The following IFT43 variants were observed in gnomAD, a reference collection of about 807,000 sequenced individuals.
The protein encoded by IFT43 is intraflagellar transport protein 43 homolog.
A neutral mutation model predicts 32.3 loss-of-function variants in IFT43; 33 were observed. The observed-to-expected ratio is 1.02, with a 90% CI of 0.77 to 1.37. The LOEUF is 1.37. Among genes scored for constraint, IFT43 ranks in the 40% most tolerant of loss-of-function variants. IFT43 has a pLI of 0.00. For synonymous variants in IFT43, 93 were observed against 98.2 expected, an observed-to-expected ratio of 0.95 and a Z score of 0.31; for missense variants, 274 against 265.9, an observed-to-expected ratio of 1.03 and a Z score of -0.21.
intron 2 of IFT43, among the ~76,000 whole-genome samples, chr14:76,012,041 A>C (rs1280036235): frequency 6.6e-6 from 1 of 152,238 alleles, no homozygotes; most frequent in Non-Finnish European, 1.5e-5. Context: ...TGGGAGCTGC[A>C]TTGCCCCTAG....
At chr14:76,049,532 A>T (rs530289137) in intron 3 of IFT43, among the ~76,000 whole-genome samples, 21 of 151,596 alleles carry the variant, frequency 1.4e-4, no homozygotes, top group African/African-American at 2.4e-4. Context: ...GTTTTCTTTT[A>T]AAAAAAATGT....
intron 3 of IFT43, among the ~76,000 whole-genome samples, chr14:76,056,519 C>T (rs1026628131): frequency 1.3e-5 from 2 of 152,216 alleles, no homozygotes; most frequent in African/African-American, 4.8e-5. Context: ...ACAGAATCGC[C>T]ACTGGTTTTG....
At chr14:76,013,338 C>T (rs1455753103) in intron 2 of IFT43, among the ~76,000 whole-genome samples, 1 of 152,196 alleles carries the variant, frequency 6.6e-6, no homozygotes, top group Non-Finnish European at 1.5e-5. Flanking sequence ...TCAGTCCAGG[C>T]AGGGACTGGA....
rs1030456787 is a variant in IFT43 at position 76,023,673 on chromosome 14, G to A, written c.215+1279G>A. Among the ~76,000 whole-genome samples, 4 of 152,290 alleles carry A rather than the reference G, an allele frequency of 2.6e-5. No homozygotes were observed. In the East Asian group the frequency reaches 7.7e-4, roughly 29 times the overall value. ...CCATATTCTTCTCACAGGCATTCTGGCAGGTGGTGATGTTTGTGAGTTGCA... is the reference window on the plus strand; with the variant it reads ...CCATATTCTTCTCACAGGCATTCTGACAGGTGGTGATGTTTGTGAGTTGCA... On this transcript the variant is annotated intron_variant, in intron 3 of 8. Transcript: ENST00000314067.
chr14:76,058,682 T>C lies in IFT43; in HGVS notation c.248+8T>C. On this transcript the variant is annotated splice_region_variant and intron_variant, in intron 4 of 8. Transcript: ENST00000314067. ...TTCTGAAGAAATAGAAGAGTACGTT[T>C]CCAGTATTCTTATTCTTATGGTATC... 8 of 1,611,042 alleles carry C rather than the reference T, an allele frequency of 5.0e-6. No homozygotes were observed. The highest frequency in any genetic ancestry group is 6.8e-6 in the Non-Finnish European group (8 of 1,178,400).
chr14:76,003,780 G>A (rs2035933377), intron 2 of IFT43, among the ~76,000 whole-genome samples: 1 of 151,686 alleles, frequency 6.6e-6, no homozygotes, highest in African/African-American at 2.4e-5. Context: ...TCGGGTTTTT[G>A]TTTTGTTTTG....
At chr14:76,053,586 G>A (rs963059725) in intron 3 of IFT43, among the ~76,000 whole-genome samples, 4 of 152,212 alleles carry the variant, frequency 2.6e-5, no homozygotes, top group Non-Finnish European at 4.4e-5. Context: ...TCAGCCCGCC[G>A]TGATGTGGGG....
Position 76,013,768 on chromosome 14 carries a change from A to G in IFT43, c.148-8559A>G, listed in dbSNP as rs1281302005. On this transcript the variant is annotated intron_variant, in intron 2 of 8. Coordinates refer to ENST00000314067, the MANE Select transcript of IFT43 (RefSeq NM_001102564.3). ...GTAACATCCAGGTTTGAGGAAACTAATTCTTGACTTGGCAAGGGCTAATTG... is the reference window on the plus strand; with the variant it reads ...GTAACATCCAGGTTTGAGGAAACTAGTTCTTGACTTGGCAAGGGCTAATTG... The G allele has an allele frequency of 1.9e-5, 6 of 319,280 alleles. No individual in the cohort carries two copies. The East Asian group carries it at 3.6e-4, about 19-fold the overall frequency. The allele number at this position is 319,280 out of a possible 1,614,324, so 19.8% of individuals were successfully genotyped here.
At chr14:76,077,030 A>G (rs2160880) in intron 5 of IFT43, among the ~76,000 whole-genome samples, 74,456 of 151,716 alleles carry the variant, frequency 0.49, 18,339 homozygotes, top group East Asian at 0.52. Context: ...TTTTTGAAAT[A>G]GATTTGTACT....
At chr14:76,000,032 T>C (rs1017422518) in intron 2 of IFT43, among the ~76,000 whole-genome samples, 1 of 152,196 alleles carries the variant, frequency 6.6e-6, no homozygotes, top group African/African-American at 2.4e-5. Context: ...TGAGAGGTGA[T>C]GAAGGCATCA....
chr14:76,006,240 C>T (rs939237549), intron 2 of IFT43, among the ~76,000 whole-genome samples: 2 of 152,168 alleles, frequency 1.3e-5, no homozygotes, highest in Non-Finnish European at 1.5e-5. Context: ...TCTAAAAAGG[C>T]CTCTAGAGTT....
intron 3 of IFT43, among the ~76,000 whole-genome samples, chr14:76,052,924 G>A (rs1470392592): frequency 6.6e-6 from 1 of 152,164 alleles, no homozygotes; most frequent in East Asian, 1.9e-4. Flanking sequence ...TGGATTTGAA[G>A]CAGAGGAGCA....
At chr14:76,027,339 C>CCA (rs1555364928) in intron 3 of IFT43, among the ~76,000 whole-genome samples, 5 of 46,838 alleles carry the variant, frequency 1.1e-4, no homozygotes, top group Admixed American at 3.8e-4. Context: ...CAACACCCCC[C>CCA]ACACACACAC....
intron 3 of IFT43, among the ~76,000 whole-genome samples, chr14:76,030,780 TTCTG>T (rs1594830122): frequency 6.6e-6 from 1 of 152,256 alleles, no homozygotes; most frequent in East Asian, 1.9e-4. Flanking sequence ...ATTCACTTGT[TTCTG>T]TCTGTGTTCA....
intron 5 of IFT43, among the ~76,000 whole-genome samples, chr14:76,082,001 G>A (rs1285547943): frequency 2.6e-5 from 4 of 152,170 alleles, no homozygotes; most frequent in Middle Eastern, 3.2e-3. Context: ...CACTGCAGTG[G>A]CTTCTAACCT....
chr14:76,055,772 A>T (rs1046971458), intron 3 of IFT43, among the ~76,000 whole-genome samples: 1 of 152,232 alleles, frequency 6.6e-6, no homozygotes, highest in African/African-American at 2.4e-5. Context: ...TCTATAAAGA[A>T]ATATACTCTG....
chr14:76,062,045 C>A (rs2037144360), intron 5 of IFT43, among the ~76,000 whole-genome samples: 1 of 150,722 alleles, frequency 6.6e-6, no homozygotes, highest in African/African-American at 2.4e-5. Flanking sequence ...ACTGATTTTT[C>A]TTCTGGTTAC....
At chr14:76,002,991 T>C (rs952358645) in intron 2 of IFT43, among the ~76,000 whole-genome samples, 1 of 152,252 alleles carries the variant, frequency 6.6e-6, no homozygotes, top group Admixed American at 6.5e-5. Flanking sequence ...AAAGCTTCAT[T>C]GAAATCATTA....
intron 3 of IFT43, 98 bp from the exon 4 acceptor site, chr14:76,058,544 C>A: frequency 7.0e-7 from 1 of 1,420,618 alleles, no homozygotes; most frequent in African/African-American, 1.4e-5. Context: ...TTGAGATATA[C>A]TAATTTGCCT....
Sources: gnomAD v4.1 joint callset for allele counts (sites outside exome capture counted in the v4.1 genomes callset) on GRCh38, gnomAD v4.1.1 for gene constraint, MANE v1.5 for transcripts, NCBI Gene and HGNC (gene_info 2026-07-23, HGNC 2026-07-21) for gene names.